RGS12: variants seen among roughly 807,000 people sequenced by gnomAD.
RGS12 encodes regulator of G protein signaling 12, also known as regulator of G-protein signaling 12.
Under a neutral mutation model 120.1 loss-of-function variants are expected in RGS12, and 66 were observed. That is an observed-to-expected ratio of 0.55 (90% CI 0.45 to 0.67). The LOEUF is 0.67. Ranked by LOEUF, RGS12 falls within the 30% of genes least tolerant of loss-of-function variation. The probability of loss-of-function intolerance (pLI) is 0.00; values close to 1 mark genes in which losing one functional copy is unlikely to be tolerated. For synonymous variants in RGS12, 827 were observed against 804.7 expected, an observed-to-expected ratio of 1.03 and a Z score of -0.47; for missense variants, 1,859 against 1,957.7, an observed-to-expected ratio of 0.95 and a Z score of 0.95.
chr4:3,314,150 T>C (rs939659109), intron 1 of RGS12: 1 of 151,978 alleles, frequency 6.6e-6, no homozygotes, highest in African/African-American at 2.4e-5. Flanking sequence ...TAATGTAATT[T>C]ATATTCATTT....
intron 17 of RGS12, among the ~76,000 whole-genome samples, chr4:3,434,913 GGTAAGGCTGA>G (rs1426125463): frequency 6.6e-6 from 1 of 152,166 alleles, no homozygotes; most frequent in Admixed American, 6.5e-5. Flanking sequence ...CAGCCCCTTT[GGTAAGGCTGA>G]GTACCCAGCC....
intron 1 of RGS12, among the ~76,000 whole-genome samples, chr4:3,301,893 T>A (rs1443601764): frequency 6.6e-6 from 1 of 152,152 alleles, no homozygotes; most frequent in Non-Finnish European, 1.5e-5. Context: ...TCTCCAGGGC[T>A]AGACTTGCCA....
chr4:3,292,276 G>A (rs936062556), upstream of RGS12, among the ~76,000 whole-genome samples: 1 of 150,236 alleles, frequency 6.7e-6, no homozygotes, highest in East Asian at 1.9e-4. Context: ...GCGCAGGCCG[G>A]GGCCGGGCAG....
chr4:3,311,694 G>A (rs1364545781), intron 1 of RGS12, among the ~76,000 whole-genome samples: 1 of 152,194 alleles, frequency 6.6e-6, no homozygotes, highest in Non-Finnish European at 1.5e-5. Context: ...CTCAGGCTGT[G>A]TGTATAAGGT....
intron 17 of RGS12, among the ~76,000 whole-genome samples, chr4:3,432,906 A>G (rs1425510949): frequency 6.6e-6 from 1 of 152,186 alleles, no homozygotes; most frequent in Non-Finnish European, 1.5e-5. Context: ...CCGTGGCGAC[A>G]CAGGACAACT....
At chr4:3,391,722 G>A (rs1388901276) in intron 4 of RGS12, among the ~76,000 whole-genome samples, 2 of 142,896 alleles carry the variant, frequency 1.4e-5, no homozygotes, top group African/African-American at 3.0e-5. Context: ...GCTGCCTGGC[G>A]TGTTTGGGGG....
chr4:3,372,061 T>A lies in RGS12; in HGVS notation c.1999-14355T>A, dbSNP rs1717064609. ...GAAGATGCCCGTGCCTGTCACCTAA[T>A]CGGGGCACCTCATCCTGTTTCATAA... On this transcript the variant is annotated intron_variant, in intron 3 of 17. Coordinates refer to ENST00000336727, the MANE Select transcript of RGS12 (RefSeq NM_001394154.1). The surrounding 1 kb of genome is among the most constrained non-coding windows in gnomAD (Gnocchi z 4.3). 6.6e-6 allele frequency among the ~76,000 whole-genome samples: 1 copy of A among 152,154 alleles called. No homozygotes were observed. The highest frequency in any genetic ancestry group is 1.9e-4 in the East Asian group (1 of 5,194).
intron 7 of RGS12, 24 bp downstream of exon 7, chr4:3,416,145 G>A (rs764332010): frequency 1.1e-5 from 17 of 1,613,110 alleles, no homozygotes; most frequent in Non-Finnish European, 1.4e-5. Flanking sequence ...GTGGGAGCTT[G>A]TGGGGAGTCC....
chr4:3,329,005 A>G (rs1242092696), intron 2 of RGS12, among the ~76,000 whole-genome samples: 1 of 152,160 alleles, frequency 6.6e-6, no homozygotes, highest in Admixed American at 6.5e-5. Context: ...TTTAACTCCA[A>G]GGGGAAGTTG....
chr4:3,388,823 T>C (rs113657106), intron 4 of RGS12, among the ~76,000 whole-genome samples: 3 of 152,294 alleles, frequency 2.0e-5, no homozygotes, highest in African/African-American at 7.2e-5. Context: ...TTTTATAGGC[T>C]GTGGTCAGTG....
intron 2 of RGS12, among the ~76,000 whole-genome samples, chr4:3,327,083 A>G (rs914045347): frequency 2.1e-4 from 32 of 152,244 alleles, no homozygotes; most frequent in Non-Finnish European, 5.9e-5. Context: ...AGTAACCAAA[A>G]TAGCATGTTA....
intron 9 of RGS12, chr4:3,419,394 G>C (rs948971211): frequency 1.3e-4 from 20 of 152,250 alleles, no homozygotes; most frequent in African/African-American, 4.1e-4. Flanking sequence ...TACTTGGGAG[G>C]CTGAGGCATG....
chr4:3,406,395 T>C (rs904972738), intron 4 of RGS12, among the ~76,000 whole-genome samples: 1 of 152,238 alleles, frequency 6.6e-6, no homozygotes, highest in African/African-American at 2.4e-5. Flanking sequence ...GGAGCTTGAT[T>C]GGATGCCTTT....
chr4:3,370,540 C>T (rs1716868385), intron 3 of RGS12, among the ~76,000 whole-genome samples: 1 of 152,256 alleles, frequency 6.6e-6, no homozygotes, highest in Admixed American at 6.5e-5. Flanking sequence ...CCCGACACAC[C>T]CGGCCGCCGG....
intron 13 of RGS12, 166 bp from the exon 14 acceptor site, chr4:3,425,298 G>A: frequency 1.5e-6 from 1 of 676,628 alleles, no homozygotes; most frequent in Non-Finnish European, 2.7e-6. Context: ...CAGGAGCATG[G>A]CTCAGCCCCA....
chr4:3,361,782 C>T (rs1370782582), intron 3 of RGS12, among the ~76,000 whole-genome samples: 1 of 152,154 alleles, frequency 6.6e-6, no homozygotes, highest in Non-Finnish European at 1.5e-5. Context: ...TCAGAGGGGA[C>T]GTCTCTGCCT....
rs199544473 is a variant in RGS12 at position 3,416,152 on chromosome 4, G to A, written c.2427+31G>A. On this transcript the variant is annotated intron_variant, in intron 7 of 17. Coordinates refer to ENST00000336727, the MANE Select transcript of RGS12 (RefSeq NM_001394154.1). ...CGCAGGCTGTGGGAGCTTGTGGGGAGTCCAGGCTAGGGCTCGGGGTATAGG... is the reference window on the plus strand; with the variant it reads ...CGCAGGCTGTGGGAGCTTGTGGGGAATCCAGGCTAGGGCTCGGGGTATAGG... 26 of 1,612,254 alleles carry A rather than the reference G, an allele frequency of 1.6e-5. No homozygotes were observed. In the East Asian group the frequency reaches 4.2e-4, roughly 26 times the overall value.
chr4:3,310,867 A>G (rs1724352495), intron 1 of RGS12, among the ~76,000 whole-genome samples: 1 of 152,176 alleles, frequency 6.6e-6, no homozygotes, highest in African/African-American at 2.4e-5. Context: ...CTGTGCATCC[A>G]CGTAAGTGTG....
At position 3,425,499 on chromosome 4, in the gene RGS12, T is replaced by A. The variant is rs775462410; in HGVS notation, c.3270T>A (p.Pro1090=). ...AGGAGCCCCTGGACCTTGGCGCCCC[T>A]ATATCGAGTCTGGACGGACAGCGGG... ...GEKEPLDLGA[P]ISSLDGQRVV... is the part of the protein sequence containing the mutation. Residue 1090 remains proline (P), a synonymous_variant, in exon 14 of 18, where the codon CCT becomes CCA. Coordinates refer to ENST00000336727, the MANE Select transcript of RGS12 (RefSeq NM_001394154.1). The A allele has an allele frequency of 6.2e-6, 10 of 1,611,734 alleles. No individual in the cohort carries two copies. The highest frequency in any genetic ancestry group is 1.3e-5 in the African/African-American group (1 of 74,418).
Sources: allele counts gnomAD v4.1 joint callset (sites outside exome capture counted in the v4.1 genomes callset), GRCh38; gene constraint gnomAD v4.1.1; non-coding constraint Gnocchi (gnomAD v3.1); transcripts MANE v1.5; gene names NCBI Gene and HGNC (gene_info 2026-07-23, HGNC 2026-07-21).